Variants in RABIF observed in about 807,000 individuals in gnomAD.
RABIF encodes RAB interacting factor.
In RABIF, 13 loss-of-function variants were observed where a neutral mutation model predicts 12.3. The observed-to-expected ratio is 1.06, with a 90% CI of 0.69 to 1.68. The LOEUF (loss-of-function observed/expected upper bound fraction) is 1.68, where lower values mean the gene tolerates loss of function less well. RABIF is among the 40% of genes most tolerant of loss of function. RABIF has a pLI of 0.00. For synonymous variants in RABIF, 70 were observed against 63.3 expected (o/e 1.11, Z -0.50); for missense variants, 153 against 158.0 (o/e 0.97, Z 0.17).
chr1:202,886,745 C>CTT (rs71142572), intron 1 of RABIF, among the ~76,000 whole-genome samples: 6,004 of 147,440 alleles, frequency 0.041, 166 homozygotes, highest in Non-Finnish European at 0.062. Context: ...TTTCTTTTTT[C>CTT]TTTTTTTTTT....
intron 1 of RABIF, among the ~76,000 whole-genome samples, chr1:202,884,424 G>T (rs6699454): frequency 1.6e-4 from 24 of 151,882 alleles, no homozygotes; most frequent in African/African-American, 5.3e-4. Flanking sequence ...GGAGTCCATA[G>T]CCCTCTCCTT....
chr1:202,887,806 A>G (rs965318495), intron 1 of RABIF, among the ~76,000 whole-genome samples: 35 of 152,156 alleles, frequency 2.3e-4, no homozygotes, highest in African/African-American at 8.2e-4. Flanking sequence ...GCCCAGCCTA[A>G]CTGTTTTAAT....
rs540991082 is a variant in RABIF, at chr1:202,883,889, T to C, written c.127-2666A>G. ...GCCCACAAGACTATACTTATATATA[T>C]GCATATGTATGTGCATCTCTGCCTG... On this transcript the variant is annotated intron_variant, in intron 1 of 1. Transcript: ENST00000367262. Among the ~76,000 whole-genome samples, 4 of 152,334 alleles carry C rather than the reference T, an allele frequency of 2.6e-5. No individual in the cohort carries two copies. The South Asian group carries it at 6.2e-4, about 24-fold the overall frequency.
Position 202,880,827 on chromosome 1 carries a change from A to AC in RABIF, c.*150dup, listed in dbSNP as rs1294059177. On this transcript the variant is annotated 3_prime_UTR_variant, in exon 2 of 2. Transcript: ENST00000367262. ...CTTGAGGCTTTAGGAAGCAGGATTAACCCTCTGCATGTTCAAATGGACATG... is the reference window on the plus strand; with the variant it reads ...CTTGAGGCTTTAGGAAGCAGGATTAACCCCTCTGCATGTTCAAATGGACATG... 6.9e-7 allele frequency: 1 copy of AC among 1,458,200 alleles called. No homozygotes were observed. The allele number at this position is 1,458,200 out of a possible 1,614,324, so 90.3% of individuals were successfully genotyped here.
intron 1 of RABIF, among the ~76,000 whole-genome samples, chr1:202,883,701 C>T (rs926291567): frequency 8.5e-5 from 13 of 152,160 alleles, no homozygotes; most frequent in African/African-American, 2.4e-4. Context: ...TTCCCTCTCT[C>T]GGTTCCCATT....
chr1:202,879,358 T>C lies in RABIF; in HGVS notation c.*1620A>G, dbSNP rs1659454597. ...CTATGCCCAGGTAATTTTGTTCATTTTTTAAATAGAGATGGGGTCTCACTA... is the reference window on the plus strand; with the variant it reads ...CTATGCCCAGGTAATTTTGTTCATTCTTTAAATAGAGATGGGGTCTCACTA... On this transcript the variant is annotated 3_prime_UTR_variant, in exon 2 of 2. Transcript: ENST00000367262. The C allele has an allele frequency of 6.6e-6, 1 of 152,238 alleles. No individual in the cohort carries two copies. The highest frequency in any genetic ancestry group is 1.5e-5 in the Non-Finnish European group (1 of 68,056). The allele number at this position is 152,238 out of a possible 1,614,324, so 9.4% of individuals were successfully genotyped here. A position where few individuals can be genotyped will look rare whatever the true frequency, so the allele number is the denominator to read the frequency against.
chr1:202,880,710 G>A lies in RABIF; in HGVS notation c.*268C>T, dbSNP rs906954008. Reference sequence around the variant, plus strand: ...CTAGGGAGAATGCCAGGGAAGAGATGAGATTTTTGGAGGTAAGCACAGTGT... The same window carrying A: ...CTAGGGAGAATGCCAGGGAAGAGATAAGATTTTTGGAGGTAAGCACAGTGT... On this transcript the variant is annotated 3_prime_UTR_variant, in exon 2 of 2. Coordinates refer to ENST00000367262, the MANE Select transcript of RABIF (RefSeq NM_002871.5). 5 of 1,185,442 alleles carry A rather than the reference G, an allele frequency of 4.2e-6. No homozygotes were observed. The highest frequency in any genetic ancestry group is 4.2e-6 in the Non-Finnish European group (4 of 952,474). 73.4% of individuals were successfully genotyped at this position (1,185,442 alleles called of 1,614,324 possible).
chr1:202,885,482 A>G (rs1571505267), intron 1 of RABIF, among the ~76,000 whole-genome samples: 1 of 152,206 alleles, frequency 6.6e-6, no homozygotes, highest in Non-Finnish European at 1.5e-5. Flanking sequence ...GCGCTCCTTT[A>G]ACACCTGCAG....
Position 202,888,956 on chromosome 1 carries a change from C to T in RABIF, c.126+17G>A. The T allele has an allele frequency of 6.5e-7, 1 of 1,536,062 alleles. No homozygotes were observed. Among genetic ancestry groups the T allele is most frequent in the Non-Finnish European group, 8.8e-7 (1 of 1,138,456 alleles). On this transcript the variant is annotated intron_variant, in intron 1 of 1. Transcript: ENST00000367262. ...GGGAGACTGTGGGTGTAAACGGCCT[C>T]CAACCTGCCTCCCTACCTGTCGGCG...
At chr1:202,886,974 T>C (rs1007578656) in intron 1 of RABIF, among the ~76,000 whole-genome samples, 32 of 151,164 alleles carry the variant, frequency 2.1e-4, no homozygotes, top group Non-Finnish European at 4.7e-4. Context: ...CCTCAAGTGA[T>C]CCGCCCAACT....
intron 1 of RABIF, among the ~76,000 whole-genome samples, chr1:202,887,031 T>TG (rs1351852916): frequency 6.7e-5 from 10 of 149,776 alleles, no homozygotes; most frequent in African/African-American, 2.2e-4. Flanking sequence ...TATGTTTTGT[T>TG]TTTTTTTTTT....
In RABIF at chr1:202,881,310, T is replaced by G. The variant is rs1354081982; in HGVS notation, c.127-87A>C. The G allele has an allele frequency of 9.4e-6, 14 of 1,493,444 alleles. No individual in the cohort carries two copies. The Admixed American group carries it at 3.4e-4, about 36-fold the overall frequency. 92.5% of individuals were successfully genotyped at this position (1,493,444 alleles called of 1,614,324 possible). A position where few individuals can be genotyped will look rare whatever the true frequency, so the allele number is the denominator to read the frequency against. On this transcript the variant is annotated intron_variant, in intron 1 of 1. Coordinates refer to ENST00000367262, the MANE Select transcript of RABIF (RefSeq NM_002871.5). ...CCGTTCTAGGTACACTTCACATTGC[T>G]CCCTAGCAGGAATGACAAAAAAAGA...
chr1:202,884,150 A>G (rs1274050672), intron 1 of RABIF, among the ~76,000 whole-genome samples: 1 of 152,154 alleles, frequency 6.6e-6, no homozygotes. Flanking sequence ...CAACCTCTTC[A>G]GAAATAGACA....
chr1:202,884,832 C>T (rs1417239151), intron 1 of RABIF, among the ~76,000 whole-genome samples: 2 of 152,106 alleles, frequency 1.3e-5, no homozygotes, highest in Non-Finnish European at 2.9e-5. Context: ...TGCCTGTAAT[C>T]CCAGCACTTT....
rs199570590 is a variant in RABIF, at chr1:202,889,117, C to G, written c.-19G>C. 2.7e-5 allele frequency: 43 copies of G among 1,598,446 alleles called. No individual in the cohort carries two copies. In the East Asian group the frequency reaches 4.1e-4, roughly 15 times the overall value. ...GTTCCATCGCCGCTGCCGCCACAGG[C>G]TCCTCAGCCACGGCTGCGCAGACGC... On this transcript the variant is annotated 5_prime_UTR_variant, in exon 1 of 2. Coordinates refer to ENST00000367262, the MANE Select transcript of RABIF (RefSeq NM_002871.5).
At chr1:202,888,811 C>T (rs1296245767) in intron 1 of RABIF, among the ~76,000 whole-genome samples, 162 bp downstream of exon 1, 2 of 152,250 alleles carry the variant, frequency 1.3e-5, no homozygotes, top group Non-Finnish European at 1.5e-5. Flanking sequence ...TCAGCGGCCC[C>T]AGGGGCGGAG....
intron 1 of RABIF, among the ~76,000 whole-genome samples, chr1:202,885,912 A>C (rs888631874): frequency 2.0e-5 from 3 of 152,012 alleles, no homozygotes; most frequent in Non-Finnish European, 2.9e-5. Flanking sequence ...GTTCTTTCTC[A>C]AGAAATAGGA....
In RABIF at chr1:202,880,958, C is replaced by T; in HGVS notation, c.*20G>A. ...AGTAGGTTTATCTTTGGAGATGGAGCTGAGTACCCCTCCCCTCAGTTACTC... is the reference window on the plus strand; with the variant it reads ...AGTAGGTTTATCTTTGGAGATGGAGTTGAGTACCCCTCCCCTCAGTTACTC... On this transcript the variant is annotated 3_prime_UTR_variant, in exon 2 of 2. Transcript: ENST00000367262. 6.2e-7 allele frequency: 1 copy of T among 1,611,460 alleles called. No individual in the cohort carries two copies. The highest frequency in any genetic ancestry group is 8.5e-7 in the Non-Finnish European group (1 of 1,177,874).
chr1:202,887,377 G>T (rs1659579255), intron 1 of RABIF, among the ~76,000 whole-genome samples: 1 of 151,170 alleles, frequency 6.6e-6, no homozygotes, highest in Non-Finnish European at 1.5e-5. Context: ...AAGCTCATCA[G>T]CTATCATTAG....
Sources: gnomAD v4.1 joint callset for allele counts (sites outside exome capture counted in the v4.1 genomes callset) on GRCh38, gnomAD v4.1.1 for gene constraint, MANE v1.5 for transcripts, NCBI Gene and HGNC (gene_info 2026-07-23, HGNC 2026-07-21) for gene names.